GMDS: variants seen among roughly 807,000 people sequenced by gnomAD.
GMDS encodes GDP-mannose 4,6 dehydratase.
GMDS carries 20 observed loss-of-function variants against 49.9 expected under a neutral mutation model. The ratio of observed to expected loss-of-function variants is 0.40; its 90% CI spans 0.28 to 0.58. The LOEUF (loss-of-function observed/expected upper bound fraction) is 0.58, where lower values mean the gene tolerates loss of function less well. Ranked by LOEUF, GMDS falls within the 20% of genes least tolerant of loss-of-function variation. The pLI is 0.42. For missense variants in GMDS, 362 were observed against 481.4 expected (o/e 0.75, Z 2.32); for synonymous variants, 177 against 178.6 (o/e 0.99, Z 0.07).
intron 6 of GMDS, among the ~76,000 whole-genome samples, chr6:1,939,582 T>TACAC (rs71769614): frequency 5.0e-5 from 6 of 120,470 alleles, no homozygotes; most frequent in African/African-American, 1.6e-4. Context: ...TACATATATA[T>TACAC]ACACACACAC....
chr6:1,639,685 G>A (rs539292361), intron 9 of GMDS, among the ~76,000 whole-genome samples: 2 of 152,316 alleles, frequency 1.3e-5, no homozygotes, highest in South Asian at 2.1e-4. Context: ...TCACAAGTTC[G>A]AGATTAGCCT....
intron 4 of GMDS, among the ~76,000 whole-genome samples, chr6:2,039,311 G>C (rs897865362): frequency 6.6e-6 from 1 of 152,108 alleles, no homozygotes; most frequent in African/African-American, 2.4e-5. Context: ...TGAAGGCCTA[G>C]GACATTAATC....
intron 7 of GMDS, among the ~76,000 whole-genome samples, chr6:1,907,079 G>A (rs1760814725): frequency 6.6e-6 from 1 of 151,070 alleles, no homozygotes; most frequent in African/African-American, 2.5e-5. Context: ...TTGTCTCACA[G>A]GCATATATAT....
chr6:1,983,074 G>A (rs762333607), intron 4 of GMDS, among the ~76,000 whole-genome samples: 18 of 151,890 alleles, frequency 1.2e-4, no homozygotes, highest in Non-Finnish European at 2.1e-4. Context: ...AAATGAGACC[G>A]CACACCCACA....
chr6:2,003,019 GT>G (rs1766925716), intron 4 of GMDS, among the ~76,000 whole-genome samples: 1 of 152,008 alleles, frequency 6.6e-6, no homozygotes, highest in Admixed American at 6.6e-5. Context: ...AAGAATCCCT[GT>G]TTGAACATAT....
At chr6:1,815,565 C>T (rs760292379) in intron 7 of GMDS, among the ~76,000 whole-genome samples, 8 of 152,132 alleles carry the variant, frequency 5.3e-5, no homozygotes, top group African/African-American at 1.4e-4. Flanking sequence ...GAAAACCAAA[C>T]GAAAAACAGT....
chr6:1,818,651 T>C lies in GMDS; in HGVS notation c.772-76065A>G, dbSNP rs531680784. 4.1e-3 allele frequency among the ~76,000 whole-genome samples: 607 copies of C among 147,426 alleles called. 1 individual carries two copies. Among genetic ancestry groups the C allele is most frequent in the Middle Eastern group, 0.018 (5 of 276 alleles). On this transcript the variant is annotated intron_variant, in intron 7 of 10. Coordinates refer to ENST00000380815, the MANE Select transcript of GMDS (RefSeq NM_001500.4). ...AAGTGAGCAAGGGGAGAAGAAAGGC[T>C]AACTATCTGGTGGGAAAAACACTAG...
intron 7 of GMDS, among the ~76,000 whole-genome samples, chr6:1,768,774 T>C (rs1174886116): frequency 6.6e-6 from 1 of 152,236 alleles, no homozygotes; most frequent in Non-Finnish European, 1.5e-5. Flanking sequence ...GAATACTCAA[T>C]CTATATATTT....
At chr6:1,760,408 GGCCACTT>G (rs1768112457) in intron 7 of GMDS, among the ~76,000 whole-genome samples, 1 of 152,166 alleles carries the variant, frequency 6.6e-6, no homozygotes, top group Non-Finnish European at 1.5e-5. Context: ...TGGGGAAGAT[GGCCACTT>G]GCCCAGCCAG....
intron 4 of GMDS, among the ~76,000 whole-genome samples, chr6:1,977,094 A>G (rs975768123): frequency 3.9e-5 from 6 of 152,270 alleles, no homozygotes; most frequent in Admixed American, 2.6e-4. Flanking sequence ...AGTAAAGGGG[A>G]AAAAAATCAC....
intron 7 of GMDS, among the ~76,000 whole-genome samples, chr6:1,763,588 T>C (rs1198081196): frequency 3.3e-5 from 5 of 152,192 alleles, no homozygotes; most frequent in African/African-American, 4.8e-5. Flanking sequence ...TGCTCCTTCC[T>C]CTTTTCTTTC....
intron 4 of GMDS, among the ~76,000 whole-genome samples, chr6:2,047,820 T>C (rs182613740): frequency 2.0e-5 from 3 of 152,302 alleles, no homozygotes; most frequent in East Asian, 1.9e-4. Flanking sequence ...TAAAATTACA[T>C]AAAGAATAAA....
At chr6:1,804,339 C>T (rs756267596) in intron 7 of GMDS, among the ~76,000 whole-genome samples, 1 of 152,258 alleles carries the variant, frequency 6.6e-6, no homozygotes, top group Non-Finnish European at 1.5e-5. Flanking sequence ...ATGCATTTCC[C>T]GTCAGTCTGA....
chr6:2,233,255 A>T (rs1378037507), intron 1 of GMDS, among the ~76,000 whole-genome samples: 2 of 152,106 alleles, frequency 1.3e-5, no homozygotes, highest in African/African-American at 2.4e-5. Flanking sequence ...CAAGCCTGAA[A>T]TGCAAACATT....
At chr6:1,807,292 T>C (rs1770218596) in intron 7 of GMDS, among the ~76,000 whole-genome samples, 2 of 152,230 alleles carry the variant, frequency 1.3e-5, no homozygotes, top group South Asian at 4.1e-4. Context: ...TCCTCCCACC[T>C]TGGCCTCCCA....
At chr6:2,128,857 C>A (rs1775587299) in intron 1 of GMDS, among the ~76,000 whole-genome samples, 1 of 152,152 alleles carries the variant, frequency 6.6e-6, no homozygotes, top group African/African-American at 2.4e-5. Context: ...GGATACAGCA[C>A]CTGAGATTTT....
chr6:2,091,001 C>T (rs546855155), intron 4 of GMDS, among the ~76,000 whole-genome samples: 2 of 152,260 alleles, frequency 1.3e-5, no homozygotes, highest in African/African-American at 2.4e-5. Context: ...TGGACTGCCT[C>T]GTGGGGGGAG....
intron 9 of GMDS, among the ~76,000 whole-genome samples, chr6:1,633,488 G>C (rs1342630748): frequency 1.3e-5 from 2 of 152,192 alleles, no homozygotes; most frequent in Non-Finnish European, 2.9e-5. Context: ...GGAGACCTGA[G>C]TTTCGGCTGA....
intron 7 of GMDS, among the ~76,000 whole-genome samples, chr6:1,887,509 A>G (rs1287408414): frequency 1.3e-5 from 2 of 152,210 alleles, no homozygotes; most frequent in African/African-American, 4.8e-5. Context: ...CCACGTGTTT[A>G]TAATAACTGG....
Sources: gnomAD v4.1 joint callset for allele counts (sites outside exome capture counted in the v4.1 genomes callset) on GRCh38, gnomAD v4.1.1 for gene constraint, MANE v1.5 for transcripts, NCBI Gene and HGNC (gene_info 2026-07-23, HGNC 2026-07-21) for gene names.